The following HDAC9 variants were observed in gnomAD, a reference collection of about 807,000 sequenced individuals.
HDAC9 encodes MEF-2 interacting transcription repressor (MITR) protein.
Under a neutral mutation model 139.4 loss-of-function variants are expected in HDAC9, and 41 were observed. The observed-to-expected ratio is 0.29, with a 90% CI of 0.23 to 0.38. The LOEUF (loss-of-function observed/expected upper bound fraction) is 0.38, where lower values mean the gene tolerates loss of function less well. HDAC9 is among the 10% of genes least tolerant of loss of function. The probability of loss-of-function intolerance (pLI) is 1.00; values close to 1 mark genes in which losing one functional copy is unlikely to be tolerated. For missense variants in HDAC9, 1,147 were observed against 1,297.0 expected (o/e 0.88, Z 1.78); for synonymous variants, 517 against 476.2 (o/e 1.09, Z -1.12).
chr7:18,754,190 T>G (rs1178170), intron 14 of HDAC9, among the ~76,000 whole-genome samples: 22,681 of 152,006 alleles, frequency 0.15, 2,112 homozygotes, highest in East Asian at 0.4. Flanking sequence ...TCATTCATAC[T>G]TAGTTTAGTG....
chr7:18,200,033 G>A (rs1791007292), intron 2 of HDAC9, among the ~76,000 whole-genome samples: 2 of 152,156 alleles, frequency 1.3e-5, no homozygotes, highest in South Asian at 4.1e-4. Flanking sequence ...CCATTTATAA[G>A]TCACACTAAT....
At chr7:18,455,741 G>A (rs1283243604) in intron 1 of HDAC9, among the ~76,000 whole-genome samples, 1 of 152,158 alleles carries the variant, frequency 6.6e-6, no homozygotes, top group Non-Finnish European at 1.5e-5. Flanking sequence ...TCTAAATTTA[G>A]AAGGTGAATC....
intron 1 of HDAC9, among the ~76,000 whole-genome samples, chr7:18,145,622 G>T (rs557197487): frequency 6.6e-6 from 1 of 152,234 alleles, no homozygotes; most frequent in Middle Eastern, 3.4e-3. Flanking sequence ...AGAGATTCTG[G>T]AACACTCCAG....
intron 1 of HDAC9, among the ~76,000 whole-genome samples, chr7:18,484,609 T>G (rs1449570248): frequency 6.6e-6 from 1 of 152,202 alleles, no homozygotes; most frequent in African/African-American, 2.4e-5. Context: ...TAATTAGCCC[T>G]TAGAACCATT....
intron 2 of HDAC9, chr7:18,502,203 C>T (rs906909642): frequency 2.6e-5 from 4 of 152,124 alleles, no homozygotes; most frequent in South Asian, 2.1e-4. Flanking sequence ...TATTTATGCA[C>T]GACAAACTCC....
chr7:18,368,692 C>G (rs1015080603), intron 1 of HDAC9, among the ~76,000 whole-genome samples: 3 of 151,956 alleles, frequency 2.0e-5, no homozygotes, highest in African/African-American at 7.2e-5. Context: ...TTATGATGAT[C>G]CACTTGAGTA....
chr7:18,949,072 C>T (rs75966404), intron 23 of HDAC9: 13,410 of 363,912 alleles, frequency 0.037, 308 homozygotes, highest in Middle Eastern at 0.057. Context: ...GTCCTTTTAG[C>T]GTTTTGGGAG....
intron 2 of HDAC9, among the ~76,000 whole-genome samples, chr7:18,569,166 A>G (rs1055560326): frequency 3.3e-5 from 5 of 152,244 alleles, no homozygotes; most frequent in African/African-American, 4.8e-5. Flanking sequence ...AGCCTGTACT[A>G]TCTCTGTGGC....
intron 2 of HDAC9, among the ~76,000 whole-genome samples, chr7:18,234,503 C>T (rs1793684489): frequency 1.3e-5 from 2 of 152,232 alleles, no homozygotes; most frequent in South Asian, 2.1e-4. Flanking sequence ...AGCAGCTAAC[C>T]TTTATTTAGC....
At chr7:18,800,371 A>T (rs563847819) in intron 17 of HDAC9, among the ~76,000 whole-genome samples, 62 of 152,212 alleles carry the variant, frequency 4.1e-4, no homozygotes, top group Non-Finnish European at 7.8e-4. Flanking sequence ...TATAGTTTAA[A>T]CTCACCGTGT....
chr7:18,505,764 A>G (rs1010718922), intron 2 of HDAC9: 2 of 152,226 alleles, frequency 1.3e-5, no homozygotes, highest in Non-Finnish European at 2.9e-5. Context: ...TTCAGGAATC[A>G]ATACATTGTA....
chr7:18,460,416 A>T (rs1160398159), intron 1 of HDAC9, among the ~76,000 whole-genome samples: 1 of 152,106 alleles, frequency 6.6e-6, no homozygotes, highest in Non-Finnish European at 1.5e-5. Flanking sequence ...GGTAAATAGC[A>T]ACTGCATTTG....
Position 18,122,781 on chromosome 7 carries a change from G to A in HDAC9, c.-97+35568G>A, listed in dbSNP as rs552180243. Among the ~76,000 whole-genome samples the A allele has an allele frequency of 2.6e-5, 4 of 152,126 alleles. No homozygotes were observed. In the East Asian group the frequency reaches 7.8e-4, roughly 30 times the overall value. On this transcript the variant is annotated intron_variant, in intron 1 of 12. Coordinates refer to the HDAC9 transcript ENST00000417496. ...TTACAGGTGTGTGCCACCATACCGA[G>A]CTAATTTTTATATCTTTAGTTGAGA...
chr7:18,836,646 T>C (rs571282550), intron 21 of HDAC9, among the ~76,000 whole-genome samples: 1 of 152,204 alleles, frequency 6.6e-6, no homozygotes, highest in African/African-American at 2.4e-5. Flanking sequence ...TTAATATAAA[T>C]AAGAAAAAGC....
At chr7:18,203,148 A>T (rs1056275378) in intron 2 of HDAC9, among the ~76,000 whole-genome samples, 1 of 152,124 alleles carries the variant, frequency 6.6e-6, no homozygotes, top group African/African-American at 2.4e-5. Context: ...GACTAAAAAG[A>T]TATTGTCTGA....
At chr7:18,899,971 A>T (rs1034491336) in intron 22 of HDAC9, among the ~76,000 whole-genome samples, 6 of 152,178 alleles carry the variant, frequency 3.9e-5, no homozygotes, top group African/African-American at 1.4e-4. Flanking sequence ...ACACACAGAA[A>T]GATGATAGAT....
At chr7:18,741,131 T>A (rs1787409747) in intron 13 of HDAC9, among the ~76,000 whole-genome samples, 1 of 152,204 alleles carries the variant, frequency 6.6e-6, no homozygotes, top group Non-Finnish European at 1.5e-5. Flanking sequence ...TTCCAGAAAG[T>A]CTAGCTAAGA....
intron 1 of HDAC9, among the ~76,000 whole-genome samples, chr7:18,149,691 T>C (rs897596784): frequency 4.6e-5 from 7 of 151,032 alleles, no homozygotes; most frequent in African/African-American, 9.7e-5. Context: ...GCTGGGACTA[T>C]AGGTGCCCAC....
At chr7:18,939,898 A>G (rs907876605) in intron 23 of HDAC9, among the ~76,000 whole-genome samples, 7 of 152,204 alleles carry the variant, frequency 4.6e-5, no homozygotes, top group Non-Finnish European at 1.0e-4. Context: ...TCAACACTGA[A>G]CATGCAATTG....
Sources: allele counts gnomAD v4.1 joint callset (sites outside exome capture counted in the v4.1 genomes callset), GRCh38; gene constraint gnomAD v4.1.1; transcripts MANE v1.5; gene names NCBI Gene and HGNC (gene_info 2026-07-23, HGNC 2026-07-21).